UNC5C: variants seen among roughly 807,000 people sequenced by gnomAD.
The protein encoded by UNC5C is unc-5 netrin receptor C.
Under a neutral mutation model 99.8 loss-of-function variants are expected in UNC5C, and 47 were observed. The ratio of observed to expected loss-of-function variants is 0.47; its 90% confidence interval spans 0.37 to 0.60. The LOEUF (loss-of-function observed/expected upper bound fraction) is 0.60, where lower values mean the gene tolerates loss of function less well. Ranked by LOEUF, UNC5C falls within the 20% of genes least tolerant of loss-of-function variation. The probability of loss-of-function intolerance (pLI) is 0.00; values close to 1 mark genes in which losing one functional copy is unlikely to be tolerated. For missense variants in UNC5C, 1,062 were observed against 1,165.9 expected (o/e 0.91, Z 1.30); for synonymous variants, 487 against 452.2 (o/e 1.08, Z -0.98).
intron 14 of UNC5C, among the ~76,000 whole-genome samples, chr4:95,175,399 G>C (rs570216382): frequency 6.6e-6 from 1 of 150,766 alleles, no homozygotes; most frequent in African/African-American, 2.4e-5. Context: ...TCCTTTCCAT[G>C]TTTAGTGCTT....
chr4:95,202,825 C>T lies in UNC5C; in HGVS notation c.2042G>A (p.Arg681His), dbSNP rs774148486. The T allele has an allele frequency of 9.3e-6, 15 of 1,614,112 alleles. No homozygotes were observed. The highest frequency in any genetic ancestry group is 4.0e-5 in the African/African-American group (3 of 74,934). ...GGGCCCAAAGATGGCCAGCTTGAGG[C>T]GCTTCGCAGCCGCTTTGGTGGTGGA... is the stretch of plus-strand genomic sequence containing the variant. ...GHSTTKAAAK[R>H]LKLAIFGPLC... The change falls in exon 12 of 16, where the codon CGC becomes CAC. Residue 681 changes from arginine to histidine, a missense_variant. Arg to His is a conservative substitution (Grantham distance 29, BLOSUM62 0). This residue lies in a region of UNC5C where 810 missense variants were observed against 854.5 expected (regional missense o/e 0.95). Coordinates refer to ENST00000453304, the MANE Select transcript of UNC5C (RefSeq NM_003728.4).
intron 1 of UNC5C, among the ~76,000 whole-genome samples, chr4:95,480,530 A>C (rs948385234): frequency 6.6e-6 from 1 of 151,870 alleles, no homozygotes; most frequent in Non-Finnish European, 1.5e-5. Context: ...CAGCCTACTT[A>C]TTACACCTCA....
chr4:95,246,538 C>T (rs1739508434), intron 5 of UNC5C, among the ~76,000 whole-genome samples: 1 of 152,004 alleles, frequency 6.6e-6, no homozygotes, highest in African/African-American at 2.4e-5. Context: ...CCAGCCTGGG[C>T]AACAGAGTGA....
intron 14 of UNC5C, among the ~76,000 whole-genome samples, chr4:95,176,771 C>T (rs1474926706): frequency 1.3e-5 from 2 of 152,256 alleles, no homozygotes; most frequent in African/African-American, 2.4e-5. Context: ...GGGCTCCACC[C>T]AGTTCGAGCT....
intron 12 of UNC5C, among the ~76,000 whole-genome samples, chr4:95,197,200 A>G (rs545422241): frequency 6.7e-6 from 1 of 149,632 alleles, no homozygotes; most frequent in Non-Finnish European, 1.5e-5. Context: ...ATAATAATAA[A>G]AAGTGATAAT....
intron 3 of UNC5C, among the ~76,000 whole-genome samples, chr4:95,280,296 G>A (rs1254411275): frequency 6.6e-6 from 1 of 152,182 alleles, no homozygotes; most frequent in Non-Finnish European, 1.5e-5. Context: ...ATAGATCTAT[G>A]AGGGTCTGAG....
chr4:95,203,918 G>A (rs1737782253), intron 11 of UNC5C, among the ~76,000 whole-genome samples: 1 of 152,116 alleles, frequency 6.6e-6, no homozygotes, highest in Non-Finnish European at 1.5e-5. Context: ...ATGACTGATG[G>A]CTGAGCAGAG....
intron 1 of UNC5C, among the ~76,000 whole-genome samples, chr4:95,456,150 T>C (rs1285820775): frequency 6.6e-6 from 1 of 151,916 alleles, no homozygotes; most frequent in African/African-American, 2.4e-5. Flanking sequence ...GTGTGTATAA[T>C]GGTAATAATT....
intron 1 of UNC5C, among the ~76,000 whole-genome samples, chr4:95,511,623 A>G (rs1722072547): frequency 6.6e-6 from 1 of 152,050 alleles, no homozygotes; most frequent in Non-Finnish European, 1.5e-5. Context: ...CATAACCTCT[A>G]TTTAGGTTTC....
chr4:95,169,293 A>G lies in UNC5C; in HGVS notation c.2737T>C (p.Leu913=), dbSNP rs771294265. Residue 913 remains leucine (L), a synonymous_variant, in exon 16 of 16, where the codon TTG becomes CTG. Coordinates refer to ENST00000453304, the MANE Select transcript of UNC5C (RefSeq NM_003728.4). ...GTTTCATGTCTTCCCATTTCTTCCAAGACAGCTGCCAGCATGCTCAGGTTT... is the reference window on the plus strand; with the variant it reads ...GTTTCATGTCTTCCCATTTCTTCCAGGACAGCTGCCAGCATGCTCAGGTTT... The part of the protein sequence containing the change: ...DGNLSMLAAV[L]EEMGRHETVV... 30 of 1,614,174 alleles carry G rather than the reference A, an allele frequency of 1.9e-5. No homozygotes were observed. The highest frequency in any genetic ancestry group is 1.6e-4 in the Middle Eastern group (1 of 6,062).
intron 1 of UNC5C, among the ~76,000 whole-genome samples, chr4:95,443,512 A>G (rs1273584674): frequency 3.3e-5 from 5 of 152,210 alleles, no homozygotes; most frequent in African/African-American, 1.2e-4. Flanking sequence ...GAACAATCAA[A>G]GCAATTTGCC....
chr4:95,482,062 T>C (rs1420342714), intron 1 of UNC5C, among the ~76,000 whole-genome samples: 1 of 151,862 alleles, frequency 6.6e-6, no homozygotes, highest in Non-Finnish European at 1.5e-5. Context: ...ACCATCAGAG[T>C]GAACAGGCAA....
At chr4:95,400,329 T>C (rs1745650456) in intron 1 of UNC5C, among the ~76,000 whole-genome samples, 2 of 148,402 alleles carry the variant, frequency 1.3e-5, no homozygotes, top group Non-Finnish European at 3.0e-5. Flanking sequence ...CAGACCTTGA[T>C]CACAGCCAGC....
intron 3 of UNC5C, among the ~76,000 whole-genome samples, chr4:95,288,624 G>A (rs1046956636): frequency 2.6e-5 from 4 of 152,200 alleles, no homozygotes; most frequent in Admixed American, 2.6e-4. Flanking sequence ...TAATCAAAGG[G>A]ACAGCAGGAT....
At chr4:95,458,675 G>A (rs1475955175) in intron 1 of UNC5C, among the ~76,000 whole-genome samples, 1 of 151,944 alleles carries the variant, frequency 6.6e-6, no homozygotes, top group Non-Finnish European at 1.5e-5. Context: ...TGTCACACAG[G>A]TAATAGGTAC....
intron 11 of UNC5C, among the ~76,000 whole-genome samples, chr4:95,206,132 C>T (rs935855718): frequency 1.3e-5 from 2 of 151,796 alleles, no homozygotes; most frequent in African/African-American, 4.8e-5. Flanking sequence ...TCCCGAGTAC[C>T]TGGGATTATA....
intron 1 of UNC5C, among the ~76,000 whole-genome samples, chr4:95,467,766 A>G (rs1747832513): frequency 6.6e-6 from 1 of 152,144 alleles, no homozygotes; most frequent in Admixed American, 6.5e-5. Context: ...CTTAACTACT[A>G]ATAGCCTACT....
At chr4:95,224,807 G>A (rs541640744) in intron 7 of UNC5C, among the ~76,000 whole-genome samples, 1 of 151,416 alleles carries the variant, frequency 6.6e-6, no homozygotes, top group South Asian at 2.1e-4. Flanking sequence ...AGAACATAAT[G>A]TGTTTGGAGA....
intron 15 of UNC5C, among the ~76,000 whole-genome samples, chr4:95,169,779 T>C (rs760394588): frequency 6.6e-6 from 1 of 152,176 alleles, no homozygotes; most frequent in Non-Finnish European, 1.5e-5. Flanking sequence ...GAGGTCTCTT[T>C]ATAACTTAAT....
Sources: gnomAD v4.1 joint callset for allele counts (sites outside exome capture counted in the v4.1 genomes callset) on GRCh38, gnomAD v4.1.1 for gene constraint, gnomAD v4.1.1 regional missense constraint, MANE v1.5 for transcripts, NCBI Gene and HGNC (gene_info 2026-07-23, HGNC 2026-07-21) for gene names.